CHLSN: variants seen among roughly 807,000 people sequenced by gnomAD.
CHLSN encodes the protein protein cholesin.
At chr7:1,083,778 A>G in the CHLSN span, among the ~76,000 whole-genome samples, 4 of 152,176 alleles carry the variant, frequency 2.6e-5, no homozygotes, top group African/African-American at 9.7e-5. Context: ...GACACCAAAC[A>G]GGGACAGGAC....
chr7:1,061,102 G>A, the CHLSN span, among the ~76,000 whole-genome samples: 7 of 152,318 alleles, frequency 4.6e-5, no homozygotes, highest in South Asian at 1.0e-3. Flanking sequence ...GCCTCTGCCC[G>A]GGAATTACAC....
At chr7:1,097,191 G>A in the CHLSN span, among the ~76,000 whole-genome samples, 1 of 152,192 alleles carries the variant, frequency 6.6e-6, no homozygotes, top group African/African-American at 2.4e-5. The surrounding 1 kb of genome is among the most constrained non-coding windows in gnomAD (Gnocchi z 4.3). Context: ...TATCTCTGCA[G>A]CCCACCTGCA....
chr7:1,056,508 C>A, the CHLSN span: 1 of 152,442 alleles, frequency 6.6e-6, no homozygotes, highest in African/African-American at 2.4e-5. Context: ...TGCCTAGCCA[C>A]AGGGCCGTGT....
the CHLSN span, chr7:986,659 C>T: frequency 6.2e-7 from 1 of 1,612,726 alleles, no homozygotes; most frequent in Non-Finnish European, 8.5e-7. Context: ...GGGCCCTGCT[C>T]CAGCTGCACC....
the CHLSN span, among the ~76,000 whole-genome samples, chr7:1,054,457 C>T: frequency 6.6e-6 from 1 of 152,232 alleles, no homozygotes; most frequent in African/African-American, 2.4e-5. Context: ...GTTCCCAGGT[C>T]CCGGCTGGGG....
At chr7:1,057,909 G>A in the CHLSN span, 1 of 775,626 alleles carries the variant, frequency 1.3e-6, no homozygotes. Flanking sequence ...CATCGAGCGT[G>A]CACTGCCGCG....
the CHLSN span, chr7:1,109,606 T>C: frequency 6.6e-6 from 1 of 152,230 alleles, no homozygotes; most frequent in African/African-American, 2.4e-5. Context: ...ACGGAACAGG[T>C]GGACATGCCC....
chr7:1,065,617 T>TC, the CHLSN span, among the ~76,000 whole-genome samples: 1 of 152,058 alleles, frequency 6.6e-6, no homozygotes, highest in Non-Finnish European at 1.5e-5. Flanking sequence ...GGAACCCACC[T>TC]CACCAGCGAC....
the CHLSN span, chr7:1,092,334 C>T: frequency 3.2e-5 from 52 of 1,611,352 alleles, no homozygotes; most frequent in South Asian, 1.3e-4. Flanking sequence ...AGCACACCGA[C>T]GAGGCCTGCT....
the CHLSN span, among the ~76,000 whole-genome samples, chr7:996,164 G>A: frequency 6.6e-6 from 1 of 152,250 alleles, no homozygotes; most frequent in Non-Finnish European, 1.5e-5. Flanking sequence ...CCACGGCTGA[G>A]GAGGCCCAGC....
At chr7:1,008,096 G>A in the CHLSN span, among the ~76,000 whole-genome samples, 3 of 152,206 alleles carry the variant, frequency 2.0e-5, no homozygotes, top group African/African-American at 7.2e-5. Context: ...GAACAGCCAC[G>A]CCCCGAGGCA....
At chr7:983,522 G>A in the CHLSN span, 1 of 851,414 alleles carries the variant, frequency 1.2e-6, no homozygotes, top group Non-Finnish European at 1.6e-6. Flanking sequence ...CAGGAGGCCG[G>A]AGGGCCCACC....
the CHLSN span, among the ~76,000 whole-genome samples, chr7:1,085,891 C>T: frequency 1.8e-4 from 27 of 152,056 alleles, no homozygotes; most frequent in African/African-American, 6.0e-4. Flanking sequence ...AAATAGTCCA[C>T]GAGATTCCTG....
chr7:986,179 C>A, the CHLSN span, among the ~76,000 whole-genome samples: 2 of 152,108 alleles, frequency 1.3e-5, no homozygotes, highest in South Asian at 2.1e-4. Context: ...GCGAGTGGCA[C>A]GAGGTGTGGC....
chr7:1,038,372 C>T, the CHLSN span, among the ~76,000 whole-genome samples: 4 of 97,542 alleles, frequency 4.1e-5, no homozygotes, highest in Admixed American at 2.8e-4. Flanking sequence ...GCCCGGCCGC[C>T]CCTACTGGGA....
At chr7:1,070,287 G>C in the CHLSN span, among the ~76,000 whole-genome samples, 1 of 143,854 alleles carries the variant, frequency 7.0e-6, no homozygotes, top group Admixed American at 6.8e-5. Context: ...CCGGCCAGCC[G>C]CCCCATCCGG....
At chr7:1,016,853 CAGCACA>C in the CHLSN span, among the ~76,000 whole-genome samples, 2 of 94,016 alleles carry the variant, frequency 2.1e-5, no homozygotes, top group Non-Finnish European at 4.6e-5. Flanking sequence ...CAGCACACAG[CAGCACA>C]CAGCACACAG....
At chr7:1,015,336 CCAG>C in the CHLSN span, among the ~76,000 whole-genome samples, 1 of 152,152 alleles carries the variant, frequency 6.6e-6, no homozygotes, top group South Asian at 2.1e-4. Flanking sequence ...CCCCCAGGCA[CCAG>C]CAGGTCTTTG....
the CHLSN span, among the ~76,000 whole-genome samples, chr7:1,070,783 ACG>A: frequency 6.8e-6 from 1 of 146,830 alleles, no homozygotes; most frequent in African/African-American, 2.7e-5. Flanking sequence ...ACGCACGCAC[ACG>A]GACACGCACG....
Sources: gnomAD v4.1 joint callset for allele counts (sites outside exome capture counted in the v4.1 genomes callset) on GRCh38, gnomAD v4.1.1 for gene constraint, Gnocchi (gnomAD v3.1) non-coding constraint, MANE v1.5 for transcripts, NCBI Gene and HGNC (gene_info 2026-07-23, HGNC 2026-07-21) for gene names.